The following CATSPERE variants were observed in gnomAD, a reference collection of about 807,000 sequenced individuals.
The protein encoded by CATSPERE is cation channel sperm-associated auxiliary subunit epsilon.
A neutral mutation model predicts 114.1 loss-of-function variants in CATSPERE; 93 were observed. That is an observed-to-expected ratio of 0.81 (90% CI 0.69 to 0.97). CATSPERE has a LOEUF of 0.97. CATSPERE is among the 50% of genes least tolerant of loss of function. The pLI, the probability that CATSPERE is intolerant of heterozygous loss-of-function variation, is 0.00. For synonymous variants in CATSPERE, 341 were observed against 384.1 expected, an observed-to-expected ratio of 0.89 and a Z score of 1.31; for missense variants, 1,058 against 1,131.6, an observed-to-expected ratio of 0.93 and a Z score of 0.93.
chr1:244,560,630 A>G, intron 9 of CATSPERE, 38 bp from the exon 10 acceptor site: 2 of 1,231,446 alleles, frequency 1.6e-6, no homozygotes, highest in Non-Finnish European at 2.2e-6. Flanking sequence ...CGTCTCTAAA[A>G]TCGAAGATCT....
intron 8 of CATSPERE, among the ~76,000 whole-genome samples, chr1:244,521,240 G>A (rs142698723): frequency 7.2e-5 from 11 of 152,220 alleles, no homozygotes; most frequent in African/African-American, 2.2e-4. Context: ...TGTAGTCCTA[G>A]CTACTTGGGA....
intron 6 of CATSPERE, among the ~76,000 whole-genome samples, chr1:244,493,430 A>G (rs1364475814): frequency 1.3e-5 from 2 of 152,184 alleles, no homozygotes; most frequent in Non-Finnish European, 2.9e-5. Context: ...CCTTCCTTAC[A>G]CCTTATACAA....
chr1:244,486,601 C>T lies in CATSPERE; in HGVS notation c.327-3846C>T, dbSNP rs558577178. ...CGTAGTCACCTGGTGGGTGGTCCAG[C>T]ATGTGGAGTACTCGTGGGTCAGGTG... On this transcript the variant is annotated intron_variant, in intron 5 of 21. Coordinates refer to ENST00000366534, the MANE Select transcript of CATSPERE (RefSeq NM_001130957.2). Among the ~76,000 whole-genome samples the T allele has an allele frequency of 3.8e-5, 4 of 105,006 alleles. No homozygotes were observed. The East Asian group carries it at 1.8e-3, about 46-fold the overall frequency. 68.9% of individuals were successfully genotyped at this position (105,006 alleles called of 152,430 possible). A position where few individuals can be genotyped will look rare whatever the true frequency, so the allele number is the denominator to read the frequency against.
At position 244,538,827 on chromosome 1, in the gene CATSPERE, C is replaced by A. The variant is rs113339997; in HGVS notation, c.537-13495C>A. Among the ~76,000 whole-genome samples, 34 of 152,148 alleles carry A rather than the reference C, an allele frequency of 2.2e-4. 1 individual carries two copies. Among genetic ancestry groups the A allele is most frequent in the African/African-American group, 6.8e-4 (28 of 41,416 alleles). ...ATTGGGAGTACCAGCAGGGCTAGAC[C>A]ACCTGGGATCAGTTAGAAATGAAGA... On this transcript the variant is annotated intron_variant, in intron 8 of 21. Coordinates refer to ENST00000366534, the MANE Select transcript of CATSPERE (RefSeq NM_001130957.2).
intron 6 of CATSPERE, 23 bp downstream of exon 6, chr1:244,490,494 T>G: frequency 7.3e-7 from 1 of 1,375,802 alleles, no homozygotes; most frequent in Non-Finnish European, 1.0e-6. Flanking sequence ...TTAAATTTTG[T>G]ATAGCCTTCA....
intron 11 of CATSPERE, among the ~76,000 whole-genome samples, chr1:244,577,706 G>T (rs954562308): frequency 1.3e-5 from 2 of 152,110 alleles, no homozygotes. Context: ...CTCCCAAAGG[G>T]CTCCACCTCC....
At position 244,573,431 on chromosome 1, in the gene CATSPERE, A is replaced by G. The variant is rs1448189598; in HGVS notation, c.1950+659A>G. ...CTCTCAAAAAACAAAACAAAACAAAACAAAACAAAACAAAAAAACCAATTC... is the reference window on the plus strand; with the variant it reads ...CTCTCAAAAAACAAAACAAAACAAAGCAAAACAAAACAAAAAAACCAATTC... On this transcript the variant is annotated intron_variant, in intron 11 of 21. Transcript: ENST00000366534. This position sits in a 1 kb window ranked among gnomAD's most constrained non-coding sequence, Gnocchi z 4.0. 2.0e-5 allele frequency among the ~76,000 whole-genome samples: 3 copies of G among 151,926 alleles called. No individual in the cohort carries two copies. Among genetic ancestry groups the G allele is most frequent in the Non-Finnish European group, 4.4e-5 (3 of 67,988 alleles).
chr1:244,489,140 T>C (rs1671540430), intron 5 of CATSPERE, among the ~76,000 whole-genome samples: 1 of 152,158 alleles, frequency 6.6e-6, no homozygotes, highest in African/African-American at 2.4e-5. Flanking sequence ...ATTTTATAAT[T>C]AAAAATAGAG....
At chr1:244,566,177 C>T (rs1236439052) in intron 10 of CATSPERE, among the ~76,000 whole-genome samples, 2 of 152,162 alleles carry the variant, frequency 1.3e-5, no homozygotes, top group Non-Finnish European at 2.9e-5. Context: ...GCACTGTGGT[C>T]TGAGAGACTG....
At chr1:244,587,350 T>C (rs1330948734) in intron 13 of CATSPERE, among the ~76,000 whole-genome samples, 1 of 152,242 alleles carries the variant, frequency 6.6e-6, no homozygotes, top group African/African-American at 2.4e-5. Context: ...TTGCATCAGA[T>C]TCTAATGGGA....
intron 20 of CATSPERE, among the ~76,000 whole-genome samples, chr1:244,625,848 C>T (rs1449585230): frequency 1.3e-5 from 2 of 151,892 alleles, no homozygotes; most frequent in East Asian, 1.9e-4. Flanking sequence ...CTCGGCCTCC[C>T]AAAGTGCTGG....
chr1:244,570,010 G>A (rs566750182), intron 10 of CATSPERE, among the ~76,000 whole-genome samples: 1 of 152,256 alleles, frequency 6.6e-6, no homozygotes, highest in Admixed American at 6.5e-5. Context: ...TTCCTCCTAA[G>A]TACCTAGAAC....
intron 8 of CATSPERE, among the ~76,000 whole-genome samples, chr1:244,518,974 G>A (rs3003274): frequency 0.13 from 19,466 of 151,812 alleles, 2,142 homozygotes; most frequent in African/African-American, 0.3. Flanking sequence ...AATGTGTCCT[G>A]CTGGCTTATA....
chr1:244,593,502 G>A lies in CATSPERE; in HGVS notation c.2227G>A (p.Val743Ile), dbSNP rs763380894. 5.0e-6 allele frequency: 8 copies of A among 1,613,936 alleles called. No homozygotes were observed. The highest frequency in any genetic ancestry group is 3.3e-4 in the Middle Eastern group (2 of 6,046). Reference sequence around the variant, plus strand: ...TAAAGTAGTTTTCCTTTTCTAGAGAGTAAGGTATATTTGGGGAGAATATGG... The same window carrying A: ...TAAAGTAGTTTTCCTTTTCTAGAGAATAAGGTATATTTGGGGAGAATATGG... ...LRHQPSKNLR[V>I]RYIWGEYGCP... is the part of the protein sequence containing the mutation. The change falls in exon 17 of 22, where the codon GTA becomes ATA. Residue 743 changes from valine to isoleucine, a missense_variant. Coordinates refer to ENST00000366534, the MANE Select transcript of CATSPERE (RefSeq NM_001130957.2).
intron 8 of CATSPERE, among the ~76,000 whole-genome samples, chr1:244,548,857 A>T (rs3003227): frequency 6.6e-6 from 1 of 151,986 alleles, no homozygotes; most frequent in Non-Finnish European, 1.5e-5. Flanking sequence ...CAACTCCAGG[A>T]GTCTGGGTGG....
rs147591991 is a variant in CATSPERE at position 244,609,838 on chromosome 1, C to A, written c.2404-402C>A. ...GGAAGATGGCTTGAGGCCAAGAGTTCGAGGCCAGCCTTGGCAACATAGCGA... is the reference window on the plus strand; with the variant it reads ...GGAAGATGGCTTGAGGCCAAGAGTTAGAGGCCAGCCTTGGCAACATAGCGA... On this transcript the variant is annotated intron_variant, in intron 18 of 21. Transcript: ENST00000366534. 2.5e-3 allele frequency among the ~76,000 whole-genome samples: 377 copies of A among 152,228 alleles called. 4 individuals are homozygous for A. Among genetic ancestry groups the A allele is most frequent in the East Asian group, 0.013 (69 of 5,176 alleles).
At chr1:244,571,536 G>T (rs1045139997) in intron 10 of CATSPERE, among the ~76,000 whole-genome samples, 3 of 152,192 alleles carry the variant, frequency 2.0e-5, no homozygotes, top group Admixed American at 2.0e-4. Flanking sequence ...GGAGAAAGCT[G>T]ATTATCTGCT....
chr1:244,596,839 G>C (rs1054971863), intron 17 of CATSPERE, among the ~76,000 whole-genome samples: 6 of 151,796 alleles, frequency 4.0e-5, no homozygotes, highest in Middle Eastern at 3.5e-3. Context: ...TGATAGATGT[G>C]AGTGGTAAGG....
At chr1:244,510,527 T>C (rs541856963) in intron 7 of CATSPERE, among the ~76,000 whole-genome samples, 1 of 152,342 alleles carries the variant, frequency 6.6e-6, no homozygotes, top group African/African-American at 2.4e-5. Flanking sequence ...TGTGTCCTAA[T>C]ATATGGCCAC....
Sources: gnomAD v4.1 joint callset for allele counts (sites outside exome capture counted in the v4.1 genomes callset) on GRCh38, gnomAD v4.1.1 for gene constraint, Gnocchi (gnomAD v3.1) non-coding constraint, MANE v1.5 for transcripts, NCBI Gene and HGNC (gene_info 2026-07-23, HGNC 2026-07-21) for gene names.